The following BSG variants were observed in gnomAD, a reference collection of about 807,000 sequenced individuals.
The protein encoded by BSG is basigin.
In BSG, 37 loss-of-function variants were observed where a neutral mutation model predicts 43.1. The ratio of observed to expected loss-of-function variants is 0.86; its 90% CI spans 0.66 to 1.13. BSG has a LOEUF of 1.13. BSG is among the 50% of genes most tolerant of loss of function. BSG has a pLI of 0.00. For missense variants in BSG, 599 were observed against 554.2 expected, an observed-to-expected ratio of 1.08 and a Z score of -0.81; for synonymous variants, 309 against 238.7, an observed-to-expected ratio of 1.29 and a Z score of -2.72.
intron 2 of BSG, chr19:579,286 G>A: frequency 2.8e-6 from 2 of 708,732 alleles, no homozygotes; most frequent in South Asian, 1.5e-5. Flanking sequence ...CTTCCCGAAG[G>A]GGCCTCCTCA....
chr19:581,809 C>T (rs1260000225), intron 6 of BSG, among the ~76,000 whole-genome samples: 1 of 152,250 alleles, frequency 6.6e-6, no homozygotes, highest in African/African-American at 2.4e-5. Context: ...GAGGAGGCGG[C>T]ACCTCCGCCC....
At chr19:576,207 A>G (rs1184481128) in intron 1 of BSG, among the ~76,000 whole-genome samples, 1 of 152,232 alleles carries the variant, frequency 6.6e-6, no homozygotes, top group East Asian at 1.9e-4. Context: ...CCCTGCCTGG[A>G]GGTGGGGTGA....
chr19:580,042 A>C, intron 3 of BSG: 1 of 405,708 alleles, frequency 2.5e-6, no homozygotes, highest in Non-Finnish European at 4.5e-6. Context: ...GCTTTGTCAT[A>C]ACTGGGGCTG....
In BSG at chr19:582,852, C is replaced by A; in HGVS notation, c.*108C>A. On this transcript the variant is annotated 3_prime_UTR_variant, in exon 9 of 9. Transcript: ENST00000333511. ...CTCACCTCTTAAAGAAAACCCACCC[C>A]GTAGATTCCCATCATACACTTCCTT... is the stretch of plus-strand genomic sequence containing the variant. 1 of 536,156 alleles carries A rather than the reference C, an allele frequency of 1.9e-6. No individual in the cohort carries two copies. The highest frequency in any genetic ancestry group is 3.3e-6 in the Non-Finnish European group (1 of 303,054). 33.2% of individuals were successfully genotyped at this position (536,156 alleles called of 1,614,324 possible). A position where few individuals can be genotyped will look rare whatever the true frequency, so the allele number is the denominator to read the frequency against.
chr19:574,573 T>A (rs111791696), intron 1 of BSG, among the ~76,000 whole-genome samples: 20,869 of 151,084 alleles, frequency 0.14, 1,657 homozygotes, highest in South Asian at 0.26. Flanking sequence ...AAAAAAAAAA[T>A]TTATTGTGAC....
rs1427061551 is a variant in BSG, at chr19:580,733, C to T, written c.743C>T (p.Pro248Leu). 6.2e-7 allele frequency: 1 copy of T among 1,612,860 alleles called. No individual in the cohort carries two copies. Residue 248 changes from proline (P) to leucine (L), a missense_variant, in exon 5 of 9, where the codon CCA becomes CTA. Physicochemically the swap from Pro to Leu is moderately conservative, Grantham distance 98 (BLOSUM62 -3). Coordinates refer to ENST00000333511, the MANE Select transcript of BSG (RefSeq NM_001728.4). ...AMLVCKSESV[P>L]PVTDWAWYKI... ...CTGGTCTGCAAGTCAGAGTCCGTGC[C>T]ACCTGTCACTGACTGGGCCTGGTAC...
intron 1 of BSG, 120 bp from the exon 2 acceptor site, chr19:577,654 G>T (rs897249052): frequency 6.1e-6 from 5 of 822,222 alleles, no homozygotes; most frequent in African/African-American, 1.8e-5. Context: ...CCCACAAGCT[G>T]AAAGGAAGTG....
chr19:580,540 A>T (rs557528051), intron 4 of BSG, 79 bp downstream of exon 4: 3 of 1,604,516 alleles, frequency 1.9e-6, no homozygotes, highest in African/African-American at 1.3e-5. Flanking sequence ...GGCACATCCC[A>T]GAGCCCTGGC....
intron 3 of BSG, 115 bp from the exon 4 acceptor site, chr19:580,264 G>T (rs1267721597): frequency 3.3e-6 from 3 of 914,500 alleles, no homozygotes; most frequent in Admixed American, 2.1e-5. Flanking sequence ...GTTCAGACTT[G>T]ACTGGGACAG....
intron 1 of BSG, among the ~76,000 whole-genome samples, chr19:576,748 CAA>C (rs140723018): frequency 2.9e-4 from 36 of 122,210 alleles, no homozygotes; most frequent in Admixed American, 5.0e-4. Flanking sequence ...GACTCTGTCT[CAA>C]AAAAAAAAAA....
intron 3 of BSG, 133 bp downstream of exon 3, chr19:579,789 C>T (rs563724259): frequency 2.3e-4 from 311 of 1,359,162 alleles, no homozygotes; most frequent in East Asian, 4.5e-4. Flanking sequence ...ACCAGCTCCG[C>T]GCAGACCCCC....
Position 581,621 on chromosome 19 carries a change from C to T in BSG, c.1069+30C>T, listed in dbSNP as rs758711456. 7.1e-6 allele frequency: 11 copies of T among 1,551,152 alleles called. No individual in the cohort carries two copies. The South Asian group carries it at 1.2e-4, about 17-fold the overall frequency. The stretch of plus-strand genomic sequence containing the variant: ...GCCGTCTGCCCTCCTGCCCACATGC[C>T]CTGCTCTCGGGGTGGCCCAGGGCCA... On this transcript the variant is annotated intron_variant, in intron 6 of 8. Transcript: ENST00000333511.
chr19:579,887 C>T, intron 3 of BSG: 1 of 615,264 alleles, frequency 1.6e-6, no homozygotes. Context: ...ATTGCTTGCT[C>T]CTCACTAGGT....
At chr19:573,562 C>T (rs1981484672) in intron 1 of BSG, among the ~76,000 whole-genome samples, 2 of 152,192 alleles carry the variant, frequency 1.3e-5, no homozygotes, top group South Asian at 2.1e-4. Flanking sequence ...CGCAGGCTCC[C>T]TCGAGGGGCC....
At chr19:577,459 G>A (rs1981874320) in intron 1 of BSG, among the ~76,000 whole-genome samples, 1 of 152,298 alleles carries the variant, frequency 6.6e-6, no homozygotes, top group African/African-American at 2.4e-5. Context: ...CTGAGCTCTG[G>A]GCAGCCCTCG....
intron 6 of BSG, 129 bp downstream of exon 6, chr19:581,720 T>A (rs1187471380): frequency 3.1e-6 from 4 of 1,273,058 alleles, no homozygotes; most frequent in Non-Finnish European, 1.1e-6. Flanking sequence ...AGGGAGTTGA[T>A]GGGACCCCGA....
chr19:577,269 CAG>C (rs1427419126), intron 1 of BSG, among the ~76,000 whole-genome samples: 1 of 152,190 alleles, frequency 6.6e-6, no homozygotes, highest in African/African-American at 2.4e-5. Flanking sequence ...TCGCCGCCCT[CAG>C]AGATTGCTGA....
At chr19:576,443 TACC>T (rs1981777267) in intron 1 of BSG, among the ~76,000 whole-genome samples, 1 of 152,188 alleles carries the variant, frequency 6.6e-6, no homozygotes, top group Non-Finnish European at 1.5e-5. Context: ...AAATGTAGGT[TACC>T]AGGAGGAGAT....
At chr19:575,977 A>G (rs1193401313) in intron 1 of BSG, among the ~76,000 whole-genome samples, 2 of 152,156 alleles carry the variant, frequency 1.3e-5, no homozygotes, top group African/African-American at 2.4e-5. Context: ...CAATACACAG[A>G]CACCAGCATC....
Sources: gnomAD v4.1 joint callset for allele counts (sites outside exome capture counted in the v4.1 genomes callset) on GRCh38, gnomAD v4.1.1 for gene constraint, MANE v1.5 for transcripts, NCBI Gene and HGNC (gene_info 2026-07-23, HGNC 2026-07-21) for gene names.